WDR27: variants seen among roughly 807,000 people sequenced by gnomAD.
The protein encoded by WDR27 is WD repeat domain 27, also known as WD repeat-containing protein 27.
A neutral mutation model predicts 114.4 loss-of-function variants in WDR27; 100 were observed. The observed-to-expected ratio is 0.87, with a 90% CI of 0.74 to 1.03. The LOEUF is 1.03. Ranked by LOEUF, WDR27 falls within the 50% of genes least tolerant of loss-of-function variation. The pLI is 0.00. For missense variants in WDR27, 1,129 were observed against 1,092.9 expected (o/e 1.03, Z -0.47); for synonymous variants, 449 against 423.1 (o/e 1.06, Z -0.75).
chr6:169,584,914 TA>T (rs1804251307), intron 23 of WDR27, among the ~76,000 whole-genome samples: 1 of 152,158 alleles, frequency 6.6e-6, no homozygotes, highest in African/African-American at 2.4e-5. Context: ...AAGATTATAT[TA>T]CAAAGCTATA....
chr6:169,675,800 G>A (rs1779936818), intron 2 of WDR27, among the ~76,000 whole-genome samples: 1 of 152,150 alleles, frequency 6.6e-6, no homozygotes, highest in Non-Finnish European at 1.5e-5. Flanking sequence ...TTCAGAGACT[G>A]CAGGCTGTAA....
At chr6:169,645,023 T>TAAAAAAAAAAAAAAAAA (rs776362942) in intron 16 of WDR27, among the ~76,000 whole-genome samples, 1 of 46,944 alleles carries the variant, frequency 2.1e-5, no homozygotes, top group Non-Finnish European at 3.9e-5. Flanking sequence ...AAAAAAAAAA[T>TAAAAAAAAAAAAAAAAA]AAAAAAAAAA....
chr6:169,611,645 C>T (rs78919990), intron 22 of WDR27, among the ~76,000 whole-genome samples: 12,251 of 152,204 alleles, frequency 0.08, 856 homozygotes, highest in South Asian at 0.29. Flanking sequence ...TATTCTTACT[C>T]TACATGCTTT....
chr6:169,558,211 T>C (rs930853169), intron 25 of WDR27: 2 of 152,136 alleles, frequency 1.3e-5, no homozygotes, highest in South Asian at 4.1e-4. Flanking sequence ...TGTCAGAGTA[T>C]GTTAATTACT....
At chr6:169,443,312 T>C in the WDR27 span, among the ~76,000 whole-genome samples, 5 of 152,228 alleles carry the variant, frequency 3.3e-5, no homozygotes, top group African/African-American at 4.8e-5. Flanking sequence ...TCTCCTGTTA[T>C]TCATTTGAAA....
intron 14 of WDR27, 67 bp from the exon 15 acceptor site, chr6:169,649,342 A>C (rs1328452562): frequency 8.1e-5 from 111 of 1,376,568 alleles, no homozygotes; most frequent in Non-Finnish European, 1.1e-4. Context: ...AGAGATTTAT[A>C]TTTTACAGTG....
intron 1 of WDR27, among the ~76,000 whole-genome samples, chr6:169,694,698 C>T (rs2128310240): frequency 6.6e-6 from 1 of 152,378 alleles, no homozygotes; most frequent in East Asian, 1.9e-4. Context: ...ACAGCAGCTT[C>T]ACCGACACCG....
At chr6:169,451,164 C>T in the WDR27 span, among the ~76,000 whole-genome samples, 1 of 152,160 alleles carries the variant, frequency 6.6e-6, no homozygotes, top group Non-Finnish European at 1.5e-5. Context: ...GTTGTTTCAC[C>T]CAGCCAGACT....
intron 24 of WDR27, among the ~76,000 whole-genome samples, chr6:169,579,134 C>A (rs1802944353): frequency 6.6e-6 from 1 of 152,180 alleles, no homozygotes; most frequent in Admixed American, 6.5e-5. Context: ...CAATAGTGAA[C>A]TGGCCATTCC....
intron 10 of WDR27, among the ~76,000 whole-genome samples, chr6:169,660,363 G>A (rs1435458247): frequency 1.3e-5 from 2 of 152,182 alleles, no homozygotes; most frequent in Admixed American, 1.3e-4. Context: ...GGCTTCCCAA[G>A]GGTGTTCCTG....
intron 24 of WDR27, among the ~76,000 whole-genome samples, chr6:169,582,357 T>TTG (rs534416353): frequency 1.3e-5 from 2 of 152,220 alleles, no homozygotes; most frequent in Non-Finnish European, 2.9e-5. Context: ...TACAATTGAT[T>TTG]TGCAACGGTT....
At chr6:169,559,788 C>G (rs1584218349) in intron 25 of WDR27, 1 of 152,316 alleles carries the variant, frequency 6.6e-6, no homozygotes, top group African/African-American at 2.4e-5. Flanking sequence ...TTATACAGCT[C>G]TGTGGTGCGT....
At chr6:169,667,234 T>C in intron 5 of WDR27, 47 bp from the exon 6 acceptor site, 1 of 1,444,514 alleles carries the variant, frequency 6.9e-7, no homozygotes, top group Non-Finnish European at 9.1e-7. Flanking sequence ...AACGTTGCCA[T>C]TATTGCAACA....
At chr6:169,445,766 T>C in the WDR27 span, among the ~76,000 whole-genome samples, 2 of 152,244 alleles carry the variant, frequency 1.3e-5, no homozygotes, top group African/African-American at 2.4e-5. Flanking sequence ...AGCGGAGGTC[T>C]GGCAGCACAT....
intron 23 of WDR27, among the ~76,000 whole-genome samples, chr6:169,598,728 G>A (rs1807330793): frequency 6.6e-6 from 1 of 152,200 alleles, no homozygotes; most frequent in African/African-American, 2.4e-5. Flanking sequence ...AGCCACAGAG[G>A]CCAGGGAAGC....
chr6:169,647,861 G>A lies in WDR27; in HGVS notation c.1569C>T (p.Tyr523=), dbSNP rs1228474785. 4 of 1,560,692 alleles carry A rather than the reference G, an allele frequency of 2.6e-6. No homozygotes were observed. Among genetic ancestry groups the A allele is most frequent in the East Asian group, 2.3e-5 (1 of 42,676 alleles). Reference sequence around the variant, plus strand: ...TGGTGGGCACAGCGCACTCCACGGGGTATGCCTCCCTGAGGGAAGGCCACA... The same window carrying A: ...TGGTGGGCACAGCGCACTCCACGGGATATGCCTCCCTGAGGGAAGGCCACA... The part of the protein sequence containing the change: ...RSRSSCAREA[Y]PVECAVPTKP... Residue 523 remains tyrosine (Y), a synonymous_variant, in exon 16 of 26, where the codon TAC becomes TAT. Coordinates refer to ENST00000448612, the MANE Select transcript of WDR27 (RefSeq NM_182552.5).
chr6:169,636,471 C>G lies in WDR27; in HGVS notation c.1903G>C (p.Ala635Pro). ...KDMFSKPIQS[A>P]QFYYIDAFIL... is the part of the protein sequence containing the mutation. ...AAGGCATCTATATAATAGAACTGTG[C>G]AGACTGTATAGGTTTAGAAAACATG... The change falls in exon 19 of 26, where the codon GCA becomes CCA. Residue 635 changes from alanine (A) to proline (P), a missense_variant. Transcript: ENST00000448612. 6.2e-7 allele frequency: 1 copy of G among 1,613,666 alleles called. No homozygotes were observed. Among genetic ancestry groups the G allele is most frequent in the Non-Finnish European group, 8.5e-7 (1 of 1,179,726 alleles).
intron 25 of WDR27, among the ~76,000 whole-genome samples, chr6:169,520,213 C>T (rs1794201885): frequency 1.3e-5 from 2 of 152,042 alleles, no homozygotes; most frequent in African/African-American, 4.8e-5. Context: ...GGGCATGAAC[C>T]CATAGCCAGC....
chr6:169,539,167 C>T (rs1281216526), intron 25 of WDR27, among the ~76,000 whole-genome samples: 4 of 152,126 alleles, frequency 2.6e-5, no homozygotes, highest in Non-Finnish European at 4.4e-5. Context: ...GAGTTGTTTC[C>T]GTCGCACAGC....
Sources: allele counts gnomAD v4.1 joint callset (sites outside exome capture counted in the v4.1 genomes callset), GRCh38; gene constraint gnomAD v4.1.1; transcripts MANE v1.5; gene names NCBI Gene and HGNC (gene_info 2026-07-23, HGNC 2026-07-21).